TLL2: variants seen among roughly 807,000 people sequenced by gnomAD.
TLL2 encodes tolloid-like protein 2.
TLL2 carries 106 observed loss-of-function variants against 123.0 expected under a neutral mutation model. The observed-to-expected ratio is 0.86, with a 90% CI of 0.74 to 1.01. The LOEUF is 1.01. TLL2 is among the 50% of genes least tolerant of loss of function. The pLI is 0.00. For missense variants in TLL2, 1,332 were observed against 1,336.7 expected (o/e 1.00, Z 0.06); for synonymous variants, 494 against 516.8 (o/e 0.96, Z 0.60).
rs1011658937 is a variant in TLL2 at position 96,422,784 on chromosome 10, G to T, written c.639-57C>A. On this transcript the variant is annotated intron_variant, in intron 5 of 20. Transcript: ENST00000357947. ...GGTCAGAAGACATTCAGAGCAAGAGGCAAGTCCCCCCTCCCACTCTGTATG... is the reference window on the plus strand; with the variant it reads ...GGTCAGAAGACATTCAGAGCAAGAGTCAAGTCCCCCCTCCCACTCTGTATG... 36 of 1,597,920 alleles carry T rather than the reference G, an allele frequency of 2.3e-5. No homozygotes were observed. The African/African-American group carries it at 4.2e-4, about 18-fold the overall frequency.
At chr10:96,501,818 T>C (rs1847536246) in intron 1 of TLL2, among the ~76,000 whole-genome samples, 1 of 152,248 alleles carries the variant, frequency 6.6e-6, no homozygotes, top group Non-Finnish European at 1.5e-5. Context: ...ATCCCTCTGG[T>C]ATCTCATTGA....
At chr10:96,450,788 G>A (rs537642598) in intron 2 of TLL2, among the ~76,000 whole-genome samples, 7 of 152,308 alleles carry the variant, frequency 4.6e-5, no homozygotes, top group African/African-American at 1.7e-4. Flanking sequence ...TGAGGGCTGG[G>A]AGGGGAGAGT....
Position 96,412,134 on chromosome 10 carries a change from G to C in TLL2, c.1048+1058C>G, listed in dbSNP as rs897410217. Among the ~76,000 whole-genome samples the C allele has an allele frequency of 3.3e-5, 5 of 152,282 alleles. No homozygotes were observed. In the East Asian group the frequency reaches 9.6e-4, roughly 29 times the overall value. ...AATTCAGCAAGGTTATATGATATGT[G>C]TGTCCTGTATTTCAGCCCTAACACG... is the stretch of plus-strand genomic sequence containing the variant. On this transcript the variant is annotated intron_variant, in intron 8 of 20. Transcript: ENST00000357947.
At chr10:96,410,580 C>T (rs2134070100) in intron 8 of TLL2, 106 bp from the exon 9 acceptor site, 1 of 846,052 alleles carries the variant, frequency 1.2e-6, no homozygotes. Flanking sequence ...CCAGCCAAAG[C>T]CCTCGGAACA....
At chr10:96,441,789 G>T (rs777804634) in intron 3 of TLL2, among the ~76,000 whole-genome samples, 52 of 152,280 alleles carry the variant, frequency 3.4e-4, no homozygotes, top group Middle Eastern at 3.4e-3. Context: ...AGGCTAAAAA[G>T]GAAGGCCTGA....
rs79712486 is a variant in TLL2 at position 96,507,897 on chromosome 10, C to T, written c.175+5614G>A. ...AGAAACAAAAAAGACAAACATTTAA[C>T]TCCAATATTGCCCTGAAATATTTTA... On this transcript the variant is annotated intron_variant, in intron 1 of 20. Coordinates refer to ENST00000357947, the MANE Select transcript of TLL2 (RefSeq NM_012465.4). Among the ~76,000 whole-genome samples the T allele has an allele frequency of 5.3e-4, 80 of 152,364 alleles. 3 individuals are homozygous for T. The East Asian group carries it at 0.013, about 24-fold the overall frequency.
At chr10:96,484,070 C>T (rs1204984903) in intron 1 of TLL2, among the ~76,000 whole-genome samples, 2 of 152,186 alleles carry the variant, frequency 1.3e-5, no homozygotes, top group African/African-American at 2.4e-5. Flanking sequence ...TCTGTAACTC[C>T]TGACCTCAAG....
At chr10:96,470,248 T>A (rs1039119173) in intron 2 of TLL2, among the ~76,000 whole-genome samples, 2 of 152,104 alleles carry the variant, frequency 1.3e-5, no homozygotes, top group African/African-American at 4.8e-5. Context: ...CTGGTACCCA[T>A]CCCCAGCCGG....
chr10:96,379,110 C>T lies in TLL2; in HGVS notation c.2195-18G>A, dbSNP rs1013479140. On this transcript the variant is annotated intron_variant, in intron 16 of 20. Coordinates refer to ENST00000357947, the MANE Select transcript of TLL2 (RefSeq NM_012465.4). ...GTCCTTATCTGGGGAGATCAATGAA[C>T]TCTTCTAAGAGGAACCGCCAACTTG... 8 of 1,611,680 alleles carry T rather than the reference C, an allele frequency of 5.0e-6. No individual in the cohort carries two copies. The Admixed American group carries it at 1.2e-4, about 24-fold the overall frequency.
intron 2 of TLL2, among the ~76,000 whole-genome samples, chr10:96,477,323 A>T (rs1203849284): frequency 1.3e-5 from 2 of 149,876 alleles, no homozygotes; most frequent in Non-Finnish European, 3.0e-5. Context: ...AATTTCCCTC[A>T]TTCTCCACTT....
intron 15 of TLL2, among the ~76,000 whole-genome samples, chr10:96,385,058 C>G (rs1846221156): frequency 6.6e-6 from 1 of 152,116 alleles, no homozygotes; most frequent in Non-Finnish European, 1.5e-5. Flanking sequence ...ATATATTAGG[C>G]TTCCACATGA....
At position 96,410,436 on chromosome 10, in the gene TLL2, A is replaced by G; in HGVS notation, c.1087T>C (p.Ser363Pro). 6.2e-7 allele frequency: 1 copy of G among 1,614,110 alleles called. No homozygotes were observed. Among genetic ancestry groups the G allele is most frequent in the Middle Eastern group, 1.7e-4 (1 of 6,054 alleles). ...ETLQDTTGNF[S>P]APGFPNGYPS... Reference sequence around the variant, plus strand: ...TACCCATTTGGGAAACCAGGTGCAGAAAAGTTTCCCGTTGTGTCCTGCAGG... The same window carrying G: ...TACCCATTTGGGAAACCAGGTGCAGGAAAGTTTCCCGTTGTGTCCTGCAGG... The change falls in exon 9 of 21, where the codon TCT becomes CCT. Residue 363 changes from serine (S) to proline (P), a missense_variant. Transcript: ENST00000357947.
At chr10:96,417,688 C>T (rs1388968504) in intron 7 of TLL2, among the ~76,000 whole-genome samples, 1 of 152,144 alleles carries the variant, frequency 6.6e-6, no homozygotes, top group East Asian at 1.9e-4. Flanking sequence ...CCTGGTCTAG[C>T]CTACTGGAGG....
At chr10:96,370,430 G>A in intron 19 of TLL2, 115 bp from the exon 20 acceptor site, 1 of 1,381,102 alleles carries the variant, frequency 7.2e-7, no homozygotes, top group Admixed American at 2.6e-5. Flanking sequence ...GAGAGGCCAG[G>A]TAGTCTCGTC....
intron 19 of TLL2, among the ~76,000 whole-genome samples, chr10:96,371,726 C>G (rs1192577039): frequency 6.6e-6 from 1 of 152,224 alleles, no homozygotes; most frequent in Non-Finnish European, 1.5e-5. Context: ...GCCTGGGCCC[C>G]GTGAGACAGA....
chr10:96,451,578 A>G (rs1378185745), intron 2 of TLL2, among the ~76,000 whole-genome samples: 2 of 152,224 alleles, frequency 1.3e-5, no homozygotes, highest in Non-Finnish European at 2.9e-5. Context: ...AAAGACTAAC[A>G]TTACTTGGTC....
intron 18 of TLL2, among the ~76,000 whole-genome samples, chr10:96,375,693 C>A (rs1468392949): frequency 6.6e-6 from 1 of 152,154 alleles, no homozygotes; most frequent in East Asian, 1.9e-4. Context: ...CCCTCGACGC[C>A]CTGGGGGCCC....
intron 10 of TLL2, 49 bp downstream of exon 10, chr10:96,405,183 G>T: frequency 6.4e-7 from 1 of 1,550,952 alleles, no homozygotes; most frequent in Non-Finnish European, 8.9e-7. Context: ...ACAGCATCCC[G>T]GGGAACATCC....
chr10:96,393,731 TTTTTTTTC>T (rs1250136647), intron 13 of TLL2, among the ~76,000 whole-genome samples: 172 of 44,284 alleles, frequency 3.9e-3, no homozygotes, highest in African/African-American at 9.9e-3. Context: ...TTTTTTTTTC[TTTTTTTTC>T]TTTTTTTTTT....
Sources: gnomAD v4.1 joint callset for allele counts (sites outside exome capture counted in the v4.1 genomes callset) on GRCh38, gnomAD v4.1.1 for gene constraint, MANE v1.5 for transcripts, NCBI Gene and HGNC (gene_info 2026-07-23, HGNC 2026-07-21) for gene names.